RALGDS: variants seen among roughly 807,000 people sequenced by gnomAD.
The protein encoded by RALGDS is ral guanine nucleotide dissociation stimulator, also known as ral guanine nucleotide exchange factor.
RALGDS carries 44 observed loss-of-function variants against 99.8 expected under a neutral mutation model. That is an observed-to-expected ratio of 0.44 (90% confidence interval 0.35 to 0.57). The LOEUF (loss-of-function observed/expected upper bound fraction) is 0.57. Among genes scored for constraint, RALGDS ranks in the 20% least tolerant of loss-of-function variants. The pLI is 0.01. For missense variants in RALGDS, 1,022 were observed against 1,203.1 expected (o/e 0.85, Z 2.23); for synonymous variants, 529 against 505.0 (o/e 1.05, Z -0.64).
chr9:133,116,210 G>A (rs1014357870), intron 1 of RALGDS, among the ~76,000 whole-genome samples: 1 of 152,244 alleles, frequency 6.6e-6, no homozygotes, highest in African/African-American at 2.4e-5. Flanking sequence ...CTGATCCCCA[G>A]CGCACAGACA....
chr9:133,142,867 G>A (rs1051683261), intron 1 of RALGDS, among the ~76,000 whole-genome samples: 1 of 152,348 alleles, frequency 6.6e-6, no homozygotes, highest in East Asian at 1.9e-4. Flanking sequence ...GAAGGCCACT[G>A]TAATTGGAAG....
intron 12 of RALGDS, 78 bp from the exon 13 acceptor site, chr9:133,102,978 T>TG: frequency 6.3e-7 from 1 of 1,586,016 alleles, no homozygotes; most frequent in South Asian, 1.1e-5. Flanking sequence ...TCTTTGTTCT[T>TG]GGGGTCCCTT....
Position 133,129,208 on chromosome 9 carries a change from G to A in RALGDS, c.132+1744C>T, listed in dbSNP as rs114506212. ...GGCTTTGGAGAGCGGCACGACGGGC[G>A]ACGGCCCTTCTCCTGGCGGTCACCA... On this transcript the variant is annotated intron_variant, in intron 1 of 17. Coordinates refer to the RALGDS transcript ENST00000372062. 1,316 of 1,597,248 alleles carry A rather than the reference G, an allele frequency of 8.2e-4. 8 individuals carry two copies. The African/African-American group carries it at 0.015, about 18-fold the overall frequency.
At chr9:133,135,115 G>A (rs1832404869), upstream of RALGDS, among the ~76,000 whole-genome samples, 1 of 152,158 alleles carries the variant, frequency 6.6e-6, no homozygotes, top group Non-Finnish European at 1.5e-5. Flanking sequence ...GGGAGGCAGA[G>A]CCGCAGAATG....
rs764611418 is a variant in RALGDS, at chr9:133,106,006, G to A, written c.1528C>T (p.Arg510Trp). 40 of 1,607,326 alleles carry A rather than the reference G, an allele frequency of 2.5e-5. No homozygotes were observed. The South Asian group carries it at 2.6e-4, about 11-fold the overall frequency. Residue 510 changes from arginine to tryptophan, a missense_variant, in exon 9 of 18, where the codon CGG (arginine) becomes TGG (tryptophan). Transcript: ENST00000372050. ...TWEDVSRDSFRIFQKLSEIFS... is the reference protein window; with the variant it reads ...TWEDVSRDSFWIFQKLSEIFS... Reference sequence around the variant, plus strand: ...ATCTCTGACAGCTTCTGAAAGATCCGGAAACTGTCCCTGTCAGAAGGGCAA... The same window carrying A: ...ATCTCTGACAGCTTCTGAAAGATCCAGAAACTGTCCCTGTCAGAAGGGCAA...
chr9:133,103,024 C>T (rs934057712), intron 12 of RALGDS, 124 bp from the exon 13 acceptor site: 138 of 1,480,906 alleles, frequency 9.3e-5, no homozygotes, highest in Middle Eastern at 4.4e-4. Context: ...TTCCTGTTCT[C>T]AAAGTTGGGC....
Position 133,108,680 on chromosome 9 carries a change from C to T in RALGDS, c.771G>A (p.Glu257=), listed in dbSNP as rs778862449. ...CACCCCAGTCCTCCTCACCCTCAGG[C>T]TCTGCCTCAATGGGTTCCGAGTGCT... is the stretch of plus-strand genomic sequence containing the variant. ...QLEHSEPIEA[E]PEALSPVPAL... Residue 257 remains glutamate, a synonymous_variant, in exon 5 of 18, where the codon GAG becomes GAA. Transcript: ENST00000372050. The T allele has an allele frequency of 3.1e-6, 5 of 1,613,548 alleles. No homozygotes were observed. The highest frequency in any genetic ancestry group is 2.2e-5 in the East Asian group (1 of 44,866).
At position 133,098,269 on chromosome 9, in the gene RALGDS, T is replaced by G; in HGVS notation, c.*318A>C. The G allele has an allele frequency of 2.2e-6, 1 of 449,298 alleles. No homozygotes were observed. Among genetic ancestry groups the G allele is most frequent in the Admixed American group, 3.6e-5 (1 of 27,652 alleles). 27.8% of individuals were successfully genotyped at this position (449,298 alleles called of 1,614,324 possible). A position where few individuals can be genotyped will look rare whatever the true frequency, so the allele number is the denominator to read the frequency against. ...GCAGTGACCCACACCTGGGAAGGTG[T>G]CAGGGAAGTGTACAGAGGTGGCGCC... On this transcript the variant is annotated 3_prime_UTR_variant, in exon 18 of 18. Coordinates refer to ENST00000372050, the MANE Select transcript of RALGDS (RefSeq NM_006266.4).
At chr9:133,106,396 A>G (rs1831059745) in intron 8 of RALGDS, among the ~76,000 whole-genome samples, 1 of 152,050 alleles carries the variant, frequency 6.6e-6, no homozygotes, top group South Asian at 2.1e-4. Context: ...GCCTGGCACA[A>G]AGGTTTTGAT....
At chr9:133,101,431 G>A (rs748433333) in intron 16 of RALGDS, 89 bp downstream of exon 16, 26 of 1,598,576 alleles carry the variant, frequency 1.6e-5, no homozygotes, top group Non-Finnish European at 2.0e-5. Context: ...CTACAAGGTA[G>A]ACCCCGGGAG....
At chr9:133,126,249 T>G (rs1832156526) in intron 1 of RALGDS, among the ~76,000 whole-genome samples, 1 of 151,348 alleles carries the variant, frequency 6.6e-6, no homozygotes, top group South Asian at 2.1e-4. Flanking sequence ...GCACCTGCCT[T>G]TCCTTGGGGG....
chr9:133,104,431 C>G (rs1830916920), intron 9 of RALGDS, 100 bp from the exon 10 acceptor site: 6 of 1,106,136 alleles, frequency 5.4e-6, no homozygotes, highest in Non-Finnish European at 8.2e-6. Flanking sequence ...CAGGGCTGAC[C>G]CTGTATCAAT....
chr9:133,140,234 A>T (rs1175773752), intron 1 of RALGDS, among the ~76,000 whole-genome samples: 1 of 85,896 alleles, frequency 1.2e-5, no homozygotes, highest in Non-Finnish European at 2.4e-5. Flanking sequence ...CACCCTCCCC[A>T]CGGTCCCACC....
At chr9:133,109,780 G>A (rs1179004295) in intron 3 of RALGDS, 59 bp from the exon 4 acceptor site, 2 of 1,455,404 alleles carry the variant, frequency 1.4e-6, no homozygotes, top group Non-Finnish European at 1.9e-6. Flanking sequence ...GGCCCAGGAG[G>A]GCAGGGATTT....
At chr9:133,111,776 C>T (rs189999667) in intron 2 of RALGDS, among the ~76,000 whole-genome samples, 94 of 152,318 alleles carry the variant, frequency 6.2e-4, no homozygotes, top group African/African-American at 2.2e-3. Context: ...GCCTGAAGCC[C>T]TTTTGTCCTT....
intron 14 of RALGDS, 82 bp downstream of exon 14, chr9:133,102,394 C>T: frequency 6.8e-7 from 1 of 1,471,830 alleles, no homozygotes; most frequent in South Asian, 1.1e-5. Flanking sequence ...GCCAGCCTCC[C>T]TGACTCCCTG....
At chr9:133,099,897 AC>A in intron 17 of RALGDS, 1 of 314,616 alleles carries the variant, frequency 3.2e-6, no homozygotes, top group Non-Finnish European at 6.2e-6. Flanking sequence ...ATGGATTTTA[AC>A]ACTTGACACT....
upstream of RALGDS, chr9:133,121,398 CCGGGAGCCTGGAGGGG>C (rs978874602): frequency 3.4e-5 from 7 of 203,728 alleles, no homozygotes; most frequent in Middle Eastern, 2.6e-3. Context: ...CGGGGCGGGA[CCGGGAGCCTGGAGGGG>C]CGGGGTCTGA....
Position 133,100,279 on chromosome 9 carries a change from G to T in RALGDS, c.2558C>A (p.Ser853Ter), listed in dbSNP as rs762073497. Residue 853 changes from serine to a stop codon, truncating the protein, a stop_gained, in exon 17 of 18, where the codon TCA becomes TAA. Transcript: ENST00000372050. LOFTEE classifies it high-confidence loss of function. Reference sequence around the variant, plus strand: ...GTCTTCTGACTTACTCCGGTCATCTGAGAGAATCTGCAGCAGCTCATAGTC... The same window carrying T: ...GTCTTCTGACTTACTCCGGTCATCTTAGAGAATCTGCAGCAGCTCATAGTC... ...PEDYELLQIL[S>*]DDRKLKIPEN... 6.2e-7 allele frequency: 1 copy of T among 1,614,158 alleles called. No homozygotes were observed. The highest frequency in any genetic ancestry group is 8.5e-7 in the Non-Finnish European group (1 of 1,179,974).
Sources: allele counts gnomAD v4.1 joint callset (sites outside exome capture counted in the v4.1 genomes callset), GRCh38; gene constraint gnomAD v4.1.1; transcripts MANE v1.5; gene names NCBI Gene and HGNC (gene_info 2026-07-23, HGNC 2026-07-21).